The following GABRB2 variants were observed in gnomAD, a reference collection of about 807,000 sequenced individuals.
The protein encoded by GABRB2 is gamma-aminobutyric acid receptor subunit beta-2.
A neutral mutation model predicts 54.7 loss-of-function variants in GABRB2; 16 were observed. The observed-to-expected ratio is 0.29, with a 90% CI of 0.20 to 0.44. The LOEUF is 0.44. Among genes scored for constraint, GABRB2 ranks in the 20% least tolerant of loss-of-function variants. The pLI is 1.00. For missense variants in GABRB2, 355 were observed against 644.0 expected (o/e 0.55, Z 4.86); for synonymous variants, 244 against 233.8 (o/e 1.04, Z -0.40).
intron 5 of GABRB2, among the ~76,000 whole-genome samples, chr5:161,405,284 C>T (rs1756316178): frequency 6.6e-6 from 1 of 152,008 alleles, no homozygotes; most frequent in Non-Finnish European, 1.5e-5. Flanking sequence ...GTTCTGATTG[C>T]TACATATCCC....
At chr5:161,371,729 T>G (rs1009277599) in intron 5 of GABRB2, among the ~76,000 whole-genome samples, 2 of 152,026 alleles carry the variant, frequency 1.3e-5, no homozygotes. Flanking sequence ...GGGTTTTTTT[T>G]TATTGTTTTT....
intron 5 of GABRB2, among the ~76,000 whole-genome samples, chr5:161,409,769 G>A (rs955693052): frequency 8.5e-5 from 13 of 152,048 alleles, no homozygotes; most frequent in Admixed American, 4.6e-4. Flanking sequence ...AATTGTAGCC[G>A]TAAGTTTAGA....
At chr5:161,410,557 C>T (rs1756480817) in intron 5 of GABRB2, among the ~76,000 whole-genome samples, 3 of 152,098 alleles carry the variant, frequency 2.0e-5, no homozygotes, top group Admixed American at 6.6e-5. Context: ...TGAAAGACCA[C>T]ATTTATTTTG....
chr5:161,440,528 A>T (rs1757438503), intron 4 of GABRB2, among the ~76,000 whole-genome samples: 1 of 152,316 alleles, frequency 6.6e-6, no homozygotes, highest in South Asian at 2.1e-4. Flanking sequence ...ATTTAGCAAG[A>T]GGATATAATA....
intron 9 of GABRB2, among the ~76,000 whole-genome samples, chr5:161,297,603 G>A (rs531031683): frequency 6.6e-6 from 1 of 152,208 alleles, no homozygotes; most frequent in Admixed American, 6.5e-5. Context: ...CCTTGCAAGG[G>A]ATATGGACTC....
chr5:161,331,826 T>C (rs1203528889), intron 7 of GABRB2, among the ~76,000 whole-genome samples: 1 of 151,920 alleles, frequency 6.6e-6, no homozygotes, highest in Admixed American at 6.6e-5. Context: ...ACAATCACTG[T>C]GGTGACAGTG....
chr5:161,370,519 T>C (rs2113467021), intron 5 of GABRB2, among the ~76,000 whole-genome samples: 1 of 152,262 alleles, frequency 6.6e-6, no homozygotes, highest in East Asian at 1.9e-4. Flanking sequence ...TGTAGATCTG[T>C]CATTTCACCT....
At chr5:161,540,812 T>C (rs1256605147) in intron 3 of GABRB2, among the ~76,000 whole-genome samples, 1 of 152,058 alleles carries the variant, frequency 6.6e-6, no homozygotes, top group Non-Finnish European at 1.5e-5. Flanking sequence ...TTTCTTGTTG[T>C]TTTGTTTGTT....
In GABRB2 at chr5:161,410,703, G is replaced by T. The variant is rs567364673; in HGVS notation, c.541+272C>A. 2.6e-5 allele frequency among the ~76,000 whole-genome samples: 4 copies of T among 152,158 alleles called. No homozygotes were observed. The East Asian group carries it at 7.7e-4, about 29-fold the overall frequency. ...ATTTTAAATGCCTGAAATAGCCCTC[G>T]GTCTCCTTCCAGGCTGTTAGCATAT... On this transcript the variant is annotated intron_variant, in intron 5 of 9. Transcript: ENST00000393959.
chr5:161,328,352 A>G (rs1171664736), intron 8 of GABRB2, among the ~76,000 whole-genome samples: 1 of 152,190 alleles, frequency 6.6e-6, no homozygotes, highest in Admixed American at 6.5e-5. Flanking sequence ...TTAATATTTT[A>G]TTAATATTTA....
At chr5:161,483,751 A>G (rs549943606) in intron 3 of GABRB2, among the ~76,000 whole-genome samples, 2 of 152,130 alleles carry the variant, frequency 1.3e-5, no homozygotes, top group South Asian at 4.1e-4. Flanking sequence ...GGTTTTGACT[A>G]GAAAATACAG....
chr5:161,547,074 G>A (rs2113491978), upstream of GABRB2: 1 of 163,004 alleles, frequency 6.1e-6, no homozygotes, highest in Admixed American at 6.0e-5. Flanking sequence ...AGGAGAGCAG[G>A]TGTGGCGTGC....
chr5:161,491,920 G>A (rs1408274719), intron 3 of GABRB2, among the ~76,000 whole-genome samples: 1 of 151,574 alleles, frequency 6.6e-6, no homozygotes, highest in Non-Finnish European at 1.5e-5. Flanking sequence ...GTCAAGTCTT[G>A]ATAACCTTAA....
intron 8 of GABRB2, among the ~76,000 whole-genome samples, chr5:161,327,203 T>C (rs1261206310): frequency 6.6e-6 from 1 of 152,178 alleles, no homozygotes; most frequent in Non-Finnish European, 1.5e-5. Flanking sequence ...TTAAAGTTTA[T>C]TTTTAAAATC....
At chr5:161,330,724 T>C in intron 8 of GABRB2, 159 bp downstream of exon 8, 2 of 1,022,588 alleles carry the variant, frequency 2.0e-6, no homozygotes. Flanking sequence ...TGGTCCCTAA[T>C]TGTGCTTCCA....
intron 9 of GABRB2, among the ~76,000 whole-genome samples, chr5:161,316,398 C>T (rs1359587954): frequency 6.6e-6 from 1 of 152,142 alleles, no homozygotes; most frequent in Non-Finnish European, 1.5e-5. Flanking sequence ...AAATGTGTCA[C>T]TGGAATCTTG....
intron 3 of GABRB2, among the ~76,000 whole-genome samples, chr5:161,504,119 A>G (rs1007441083): frequency 2.0e-5 from 3 of 152,204 alleles, no homozygotes; most frequent in Non-Finnish European, 4.4e-5. Flanking sequence ...GAATTTTAAC[A>G]ACTATCTCTC....
At chr5:161,543,427 T>A (rs981779274) in intron 3 of GABRB2, among the ~76,000 whole-genome samples, 1 of 152,222 alleles carries the variant, frequency 6.6e-6, no homozygotes, top group Non-Finnish European at 1.5e-5. Flanking sequence ...CCTCTAGTCA[T>A]CTCATGATTA....
chr5:161,401,508 C>T (rs1285235777), intron 5 of GABRB2, among the ~76,000 whole-genome samples: 1 of 151,988 alleles, frequency 6.6e-6, no homozygotes, highest in African/African-American at 2.4e-5. Flanking sequence ...TAGTTATTTG[C>T]CATAGTGATA....
Sources: gnomAD v4.1 joint callset for allele counts (sites outside exome capture counted in the v4.1 genomes callset) on GRCh38, gnomAD v4.1.1 for gene constraint, MANE v1.5 for transcripts, NCBI Gene and HGNC (gene_info 2026-07-23, HGNC 2026-07-21) for gene names.